KAZN: variants seen among roughly 807,000 people sequenced by gnomAD.
KAZN encodes kazrin.
KAZN carries 40 observed loss-of-function variants against 87.4 expected under a neutral mutation model. The ratio of observed to expected loss-of-function variants is 0.46; its 90% confidence interval spans 0.36 to 0.60. The LOEUF (loss-of-function observed/expected upper bound fraction) is 0.60, where lower values mean the gene tolerates loss of function less well. KAZN is among the 20% of genes least tolerant of loss of function. The probability of loss-of-function intolerance (pLI) is 0.00; values close to 1 mark genes in which losing one functional copy is unlikely to be tolerated. For missense variants in KAZN, 898 were observed against 1,073.9 expected (o/e 0.84, Z 2.29); for synonymous variants, 466 against 458.3 (o/e 1.02, Z -0.22).
In KAZN at chr1:14,790,275, G is replaced by A. The variant is rs536634518; in HGVS notation, c.227-170409G>A. ...GATGCGCTCACCTCGGCCTCCCAAA[G>A]TGCTGGGATTGCAGGCGTGAGCCAC... On this transcript the variant is annotated intron_variant, in intron 1 of 14. Transcript: ENST00000376030. Among the ~76,000 whole-genome samples, 20 of 152,002 alleles carry A rather than the reference G, an allele frequency of 1.3e-4. No individual in the cohort carries two copies. The South Asian group carries it at 4.2e-3, about 32-fold the overall frequency.
At chr1:14,581,644 G>A (rs1675555549) in intron 2 of KAZN, among the ~76,000 whole-genome samples, 1 of 152,116 alleles carries the variant, frequency 6.6e-6, no homozygotes, top group African/African-American at 2.4e-5. Flanking sequence ...GTCCCCAAGG[G>A]GACCTGATCG....
intron 2 of KAZN, among the ~76,000 whole-genome samples, chr1:14,495,931 G>A (rs1490788685): frequency 2.0e-5 from 3 of 152,114 alleles, no homozygotes; most frequent in Non-Finnish European, 4.4e-5. Flanking sequence ...TTTGAAAGGT[G>A]GGTCTTTAAG....
intron 2 of KAZN, among the ~76,000 whole-genome samples, chr1:14,209,118 T>G (rs1449509777): frequency 6.6e-6 from 1 of 152,198 alleles, no homozygotes; most frequent in Non-Finnish European, 1.5e-5. Flanking sequence ...AAAGGAAAAT[T>G]AGGATCTCGG....
At chr1:14,014,711 G>A (rs1360300935) in intron 1 of KAZN, among the ~76,000 whole-genome samples, 1 of 152,194 alleles carries the variant, frequency 6.6e-6, no homozygotes, top group Non-Finnish European at 1.5e-5. Context: ...ATGTTGGAAG[G>A]AGCAAGATGC....
chr1:14,304,742 A>AT (rs1220030878), intron 2 of KAZN: 1 of 397,708 alleles, frequency 2.5e-6, no homozygotes, highest in Non-Finnish European at 4.4e-6. Flanking sequence ...TACATGTGGC[A>AT]TTACCACACC....
intron 1 of KAZN, among the ~76,000 whole-genome samples, chr1:13,932,111 G>A (rs1201846891): frequency 1.3e-5 from 2 of 150,680 alleles, no homozygotes; most frequent in Non-Finnish European, 2.9e-5. Context: ...ACCTGCCTCA[G>A]TCTCCCAAAG....
intron 2 of KAZN, among the ~76,000 whole-genome samples, chr1:14,439,934 C>T (rs1390670564): frequency 6.6e-6 from 1 of 152,216 alleles, no homozygotes; most frequent in Non-Finnish European, 1.5e-5. Flanking sequence ...TCCTTCAGCG[C>T]TTGCCTTTTC....
At chr1:14,905,322 A>G (rs1443698902) in intron 1 of KAZN, among the ~76,000 whole-genome samples, 1 of 152,134 alleles carries the variant, frequency 6.6e-6, no homozygotes, top group Admixed American at 6.5e-5. Flanking sequence ...TTCTGCTGCC[A>G]AAGTGCTGGA....
intron 1 of KAZN, among the ~76,000 whole-genome samples, chr1:14,918,259 T>C (rs974565462): frequency 7.9e-5 from 12 of 152,172 alleles, no homozygotes; most frequent in Non-Finnish European, 4.4e-5. Flanking sequence ...AAAGAGACTG[T>C]GGCTTCCATC....
intron 1 of KAZN, among the ~76,000 whole-genome samples, chr1:14,661,991 A>C (rs1204208418): frequency 6.6e-6 from 1 of 152,140 alleles, no homozygotes; most frequent in African/African-American, 2.4e-5. Context: ...TAGCCGTGTG[A>C]TCTTGAGAAA....
chr1:13,958,366 A>C (rs1029095643), intron 1 of KAZN, among the ~76,000 whole-genome samples: 1 of 152,028 alleles, frequency 6.6e-6, no homozygotes, highest in South Asian at 2.1e-4. Flanking sequence ...GTCAGAGGAT[A>C]GAGACCATCC....
intron 1 of KAZN, among the ~76,000 whole-genome samples, chr1:14,905,804 C>G (rs969510790): frequency 6.6e-6 from 1 of 151,032 alleles, no homozygotes; most frequent in East Asian, 2.0e-4. Flanking sequence ...GATGGCACCA[C>G]TGCACTCCAG....
At position 13,911,252 on chromosome 1, in the gene KAZN, T is replaced by A. The variant is rs187780160; in HGVS notation, c.91+17496T>A. On this transcript the variant is annotated intron_variant, in intron 1 of 16. Transcript: ENST00000636203. ...ATGGTAGAGACGGTGTTTCACCATG[T>A]TGGCCAGGCTGGTCTCGATTTCCTG... Among the ~76,000 whole-genome samples the A allele has an allele frequency of 3.7e-4, 57 of 152,360 alleles. 1 individual carries two copies. Among genetic ancestry groups the A allele is most frequent in the Non-Finnish European group, 7.1e-4 (48 of 68,040 alleles).
chr1:14,892,959 G>A (rs1013738407), intron 1 of KAZN, among the ~76,000 whole-genome samples: 40 of 152,320 alleles, frequency 2.6e-4, no homozygotes, highest in African/African-American at 9.6e-4. Flanking sequence ...CACCTACTAC[G>A]TAGCAGGCAC....
rs180981157 is a variant in KAZN, at chr1:14,449,264, T to C, written c.250-149719T>C. On this transcript the variant is annotated intron_variant, in intron 2 of 16. Coordinates refer to the KAZN transcript ENST00000636203. ...CTTCTGGTTTGGCTTCATTATCAAGTAAGCTGCCCCACGAGTTGCTGGAAT... is the reference window on the plus strand; with the variant it reads ...CTTCTGGTTTGGCTTCATTATCAAGCAAGCTGCCCCACGAGTTGCTGGAAT... Among the ~76,000 whole-genome samples the C allele has an allele frequency of 5.9e-5, 9 of 152,332 alleles. No individual in the cohort carries two copies. In the East Asian group the frequency reaches 1.5e-3, roughly 26 times the overall value.
chr1:14,060,860 C>T (rs1642766930), intron 1 of KAZN, among the ~76,000 whole-genome samples: 1 of 152,178 alleles, frequency 6.6e-6, no homozygotes, highest in East Asian at 1.9e-4. Context: ...GATGTTTGGT[C>T]ACCCTCCATG....
At chr1:14,616,562 G>C (rs1028560295) in intron 1 of KAZN, among the ~76,000 whole-genome samples, 1 of 152,022 alleles carries the variant, frequency 6.6e-6, no homozygotes, top group Non-Finnish European at 1.5e-5. Context: ...ATAAAGGTGA[G>C]GGCTGGGCCC....
chr1:14,038,047 TCATC>T (rs1641636335), intron 1 of KAZN, among the ~76,000 whole-genome samples: 1 of 152,198 alleles, frequency 6.6e-6, no homozygotes, highest in African/African-American at 2.4e-5. Flanking sequence ...ACCCATCTAT[TCATC>T]CATTCATCCA....
chr1:14,972,112 G>T (rs1665116289), intron 2 of KAZN, among the ~76,000 whole-genome samples: 1 of 152,192 alleles, frequency 6.6e-6, no homozygotes, highest in South Asian at 2.1e-4. Context: ...ACAGGACTCG[G>T]TGTGCGTCAA....
Sources: gnomAD v4.1 joint callset for allele counts (sites outside exome capture counted in the v4.1 genomes callset) on GRCh38, gnomAD v4.1.1 for gene constraint, MANE v1.5 for transcripts, NCBI Gene and HGNC (gene_info 2026-07-23, HGNC 2026-07-21) for gene names.